Variants in CADM2 observed in about 807,000 individuals in gnomAD.
CADM2 encodes the protein cell adhesion molecule 2.
Under a neutral mutation model 49.8 loss-of-function variants are expected in CADM2, and 12 were observed. The ratio of observed to expected loss-of-function variants is 0.24; its 90% CI spans 0.15 to 0.39. The LOEUF is 0.39. CADM2 is among the 10% of genes least tolerant of loss of function. The pLI, the probability that CADM2 is intolerant of heterozygous loss-of-function variation, is 1.00. For missense variants in CADM2, 378 were observed against 492.3 expected (o/e 0.77, Z 2.20); for synonymous variants, 214 against 175.4 (o/e 1.22, Z -1.74).
chr3:85,520,188 A>T (rs2060999219), intron 1 of CADM2, among the ~76,000 whole-genome samples: 1 of 152,022 alleles, frequency 6.6e-6, no homozygotes, highest in African/African-American at 2.4e-5. Context: ...AGTGAACAAT[A>T]TCATCTGTGA....
At chr3:86,047,633 C>T (rs1165709763) in intron 8 of CADM2, among the ~76,000 whole-genome samples, 1 of 152,164 alleles carries the variant, frequency 6.6e-6, no homozygotes, top group Non-Finnish European at 1.5e-5. Flanking sequence ...TAAGAAGCTC[C>T]TGCTCTGTCC....
At chr3:85,734,590 CATAT>C (rs1160270474) in intron 2 of CADM2, among the ~76,000 whole-genome samples, 1 of 148,630 alleles carries the variant, frequency 6.7e-6, no homozygotes, top group Non-Finnish European at 1.5e-5. Context: ...TACACATACA[CATAT>C]ATATACATAC....
intron 1 of CADM2, among the ~76,000 whole-genome samples, chr3:85,228,328 C>A (rs2042206644): frequency 6.6e-6 from 1 of 151,880 alleles, no homozygotes; most frequent in South Asian, 2.1e-4. Flanking sequence ...CACTTCTTTT[C>A]ACTCTTTTAT....
chr3:85,765,391 C>T (rs774699224), intron 2 of CADM2, among the ~76,000 whole-genome samples: 35 of 152,032 alleles, frequency 2.3e-4, no homozygotes, highest in Non-Finnish European at 4.3e-4. Context: ...ATATTAAGTA[C>T]ATTTTTCATT....
chr3:85,037,017 A>C (rs946903775), intron 1 of CADM2, among the ~76,000 whole-genome samples: 6 of 151,060 alleles, frequency 4.0e-5, no homozygotes, highest in African/African-American at 1.5e-4. Context: ...AAAAAAAAAA[A>C]AACTTAGCTG....
chr3:86,050,876 G>C (rs1737255348), intron 8 of CADM2, among the ~76,000 whole-genome samples: 2 of 152,196 alleles, frequency 1.3e-5, no homozygotes, highest in African/African-American at 4.8e-5. Context: ...CTGTCATGGA[G>C]GGCCTGCTGC....
chr3:85,512,298 T>C (rs968550300), intron 1 of CADM2, among the ~76,000 whole-genome samples: 1 of 152,118 alleles, frequency 6.6e-6, no homozygotes, highest in Admixed American at 6.6e-5. Context: ...TTAATTCACT[T>C]AGGAGAATGG....
chr3:86,011,943 T>A (rs1731565235), intron 8 of CADM2, among the ~76,000 whole-genome samples: 1 of 136,260 alleles, frequency 7.3e-6, no homozygotes, highest in Non-Finnish European at 1.5e-5. Flanking sequence ...AAGTATACAA[T>A]TAAGTAATTA....
chr3:85,580,121 A>G (rs141317361), intron 1 of CADM2, among the ~76,000 whole-genome samples: 10 of 152,274 alleles, frequency 6.6e-5, no homozygotes, highest in African/African-American at 2.2e-4. Context: ...TCAAATTAAG[A>G]TCATTCAAAT....
intron 1 of CADM2, among the ~76,000 whole-genome samples, chr3:85,474,234 G>T (rs2038887292): frequency 6.6e-6 from 1 of 151,600 alleles, no homozygotes; most frequent in East Asian, 1.9e-4. Flanking sequence ...TCATGGGATT[G>T]TGGATGGTTG....
At chr3:85,151,215 C>A (rs902796466) in intron 1 of CADM2, among the ~76,000 whole-genome samples, 1 of 152,068 alleles carries the variant, frequency 6.6e-6, no homozygotes, top group Non-Finnish European at 1.5e-5. Context: ...TATACAAATT[C>A]TCCTCATAAC....
chr3:85,567,574 AT>A (rs954653454), intron 1 of CADM2, among the ~76,000 whole-genome samples: 8 of 151,626 alleles, frequency 5.3e-5, no homozygotes, highest in East Asian at 1.9e-4. Context: ...TATTGTGCAG[AT>A]TTTTTTTTAG....
rs77235656 is a variant in CADM2 at position 85,321,986 on chromosome 3, A to T, written c.61+362318A>T. ...TTGCTAACGTCATTTTTGCCCAAGC[A>T]TAATAATGTTGCTCACATAGTATGT... On this transcript the variant is annotated intron_variant, in intron 1 of 9. Transcript: ENST00000383699. Among the ~76,000 whole-genome samples, 5 of 152,358 alleles carry T rather than the reference A, an allele frequency of 3.3e-5. No individual in the cohort carries two copies. The East Asian group carries it at 9.7e-4, about 29-fold the overall frequency.
At chr3:85,785,018 G>T (rs1290500446) in intron 2 of CADM2, among the ~76,000 whole-genome samples, 5 of 152,042 alleles carry the variant, frequency 3.3e-5, no homozygotes, top group African/African-American at 1.2e-4. Flanking sequence ...TTGGTAGGTT[G>T]TAGGTGTCTA....
In CADM2 at chr3:85,566,759, C is replaced by A. The variant is rs117456001; in HGVS notation, c.62-159763C>A. Among the ~76,000 whole-genome samples the A allele has an allele frequency of 3.1e-4, 47 of 152,250 alleles. 1 individual carries two copies. The East Asian group carries it at 8.7e-3, about 28-fold the overall frequency. ...TTGCAGCACTTTTAAGCAATCTATG[C>A]ATCATCATTTGATAATCAAGTGAAT... is the stretch of plus-strand genomic sequence containing the variant. On this transcript the variant is annotated intron_variant, in intron 1 of 9. Coordinates refer to ENST00000383699, the MANE Select transcript of CADM2 (RefSeq NM_001167675.2).
intron 1 of CADM2, among the ~76,000 whole-genome samples, chr3:85,146,387 C>T (rs1559687765): frequency 6.6e-6 from 1 of 150,866 alleles, no homozygotes; most frequent in African/African-American, 2.4e-5. Context: ...AATGAGGTCT[C>T]TTTTTTTTTA....
intron 1 of CADM2, among the ~76,000 whole-genome samples, chr3:85,031,629 C>T (rs1214975593): frequency 1.3e-5 from 2 of 152,180 alleles, no homozygotes; most frequent in Non-Finnish European, 2.9e-5. Context: ...ACTCTCCTGC[C>T]TCAGCCTCCC....
At chr3:86,004,951 G>A (rs1284928591) in intron 8 of CADM2, among the ~76,000 whole-genome samples, 1 of 152,048 alleles carries the variant, frequency 6.6e-6, no homozygotes, top group Non-Finnish European at 1.5e-5. Context: ...TCTCCCTAAA[G>A]CCCCTCTCAT....
intron 1 of CADM2, among the ~76,000 whole-genome samples, chr3:85,401,772 C>T (rs937668151): frequency 6.6e-6 from 1 of 152,054 alleles, no homozygotes; most frequent in Non-Finnish European, 1.5e-5. Flanking sequence ...ACCTCTCCCA[C>T]CCCCGCCAAA....
Sources: allele counts gnomAD v4.1 joint callset (sites outside exome capture counted in the v4.1 genomes callset), GRCh38; gene constraint gnomAD v4.1.1; transcripts MANE v1.5; gene names NCBI Gene and HGNC (gene_info 2026-07-23, HGNC 2026-07-21).